Variants in BTBD7 observed in about 807,000 individuals in gnomAD.
BTBD7 encodes the protein BTB domain containing 7, also known as BTB/POZ domain-containing protein 7.
A neutral mutation model predicts 99.9 loss-of-function variants in BTBD7; 38 were observed. The observed-to-expected ratio is 0.38, with a 90% CI of 0.29 to 0.50. BTBD7 has a LOEUF of 0.50. Among genes scored for constraint, BTBD7 ranks in the 20% least tolerant of loss-of-function variants. The probability of loss-of-function intolerance (pLI) is 0.93; values close to 1 mark genes in which losing one functional copy is unlikely to be tolerated. For synonymous variants in BTBD7, 520 were observed against 511.4 expected (o/e 1.02, Z -0.23); for missense variants, 1,170 against 1,394.6 (o/e 0.84, Z 2.57).
intron 3 of BTBD7, among the ~76,000 whole-genome samples, chr14:93,282,972 A>G (rs1191086710): frequency 6.6e-6 from 1 of 152,260 alleles, no homozygotes; most frequent in Non-Finnish European, 1.5e-5. Context: ...ATAAGTTTAC[A>G]AAGTCTGCTA....
At chr14:93,297,906 A>T (rs886842949) in intron 1 of BTBD7, among the ~76,000 whole-genome samples, 5 of 152,196 alleles carry the variant, frequency 3.3e-5, no homozygotes, top group African/African-American at 4.8e-5. Flanking sequence ...ATGAGGGGGG[A>T]AAAAGACTTT....
In BTBD7 at chr14:93,243,013, T is replaced by C. The variant is rs757226675; in HGVS notation, c.2659A>G (p.Arg887Gly). ...GVSTLSLKDR[R>G]LPELAVDTEL... ...GTGTCTACAGCAAGCTCTGGAAGCC[T>C]CCTGTCCTTGAGTGACAGTGTGGAC... is the stretch of plus-strand genomic sequence containing the variant. Residue 887 changes from arginine to glycine, a missense_variant, in exon 11 of 11, where the codon AGG becomes GGG. By Grantham distance (125) the Arg-to-Gly change is moderately radical. This residue lies in a region of BTBD7 where 495 missense variants were observed against 525.9 expected (regional missense o/e 0.94). Transcript: ENST00000334746. The C allele has an allele frequency of 6.2e-6, 10 of 1,614,122 alleles. No homozygotes were observed. The highest frequency in any genetic ancestry group is 8.5e-6 in the Non-Finnish European group (10 of 1,180,024).
chr14:93,327,695 A>G (rs1421880413), intron 1 of BTBD7, among the ~76,000 whole-genome samples: 1 of 152,176 alleles, frequency 6.6e-6, no homozygotes, highest in Admixed American at 6.5e-5. Context: ...AAGACTCAAA[A>G]CGTTTCCTCT....
intron 3 of BTBD7, among the ~76,000 whole-genome samples, chr14:93,271,995 C>A (rs2052606125): frequency 6.6e-6 from 1 of 150,898 alleles, no homozygotes; most frequent in South Asian, 2.1e-4. Context: ...ACAGATGAGA[C>A]CCTGTCTTAA....
At chr14:93,300,621 C>T (rs911235320) in intron 1 of BTBD7, among the ~76,000 whole-genome samples, 1 of 151,548 alleles carries the variant, frequency 6.6e-6, no homozygotes, top group Non-Finnish European at 1.5e-5. Flanking sequence ...CTGCAACCTC[C>T]ACCTCCCAGG....
intron 1 of BTBD7, among the ~76,000 whole-genome samples, chr14:93,320,444 C>G (rs993287788): frequency 2.0e-5 from 3 of 152,164 alleles, no homozygotes; most frequent in Admixed American, 2.0e-4. Context: ...CCCCAAATGT[C>G]AAGAGTGCCA....
chr14:93,319,258 C>G lies in BTBD7; in HGVS notation c.-107+13562G>C, dbSNP rs567926883. Among the ~76,000 whole-genome samples the G allele has an allele frequency of 3.6e-4, 55 of 152,306 alleles. 1 individual carries two copies. The South Asian group carries it at 0.011, about 31-fold the overall frequency. The stretch of plus-strand genomic sequence containing the variant: ...ACCAAAAAACAACAGACAAAATCTG[C>G]TCTGGTCCTTGCAGGATGTTAAACT... On this transcript the variant is annotated intron_variant, in intron 1 of 10. Transcript: ENST00000334746.
rs192843368 is a variant in BTBD7 at position 93,282,803 on chromosome 14, C to G, written c.1162+11055G>C. 1.9e-3 allele frequency among the ~76,000 whole-genome samples: 294 copies of G among 152,278 alleles called. 1 individual carries two copies. Among genetic ancestry groups the G allele is most frequent in the Admixed American group, 9.7e-3 (149 of 15,292 alleles). ...TATACCAAATCACCTGTATCTTAGA[C>G]TCCATTCATTTTGTATTCCTTGGTG... is the stretch of plus-strand genomic sequence containing the variant. On this transcript the variant is annotated intron_variant, in intron 3 of 10. Transcript: ENST00000334746.
At chr14:93,295,088 AATTAACTC>A in intron 2 of BTBD7, 151 bp from the exon 3 acceptor site, 1 of 753,592 alleles carries the variant, frequency 1.3e-6, no homozygotes, top group Non-Finnish European at 2.0e-6. Context: ...CAAAAAGTTC[AATTAACTC>A]ATTTTAGTTT....
chr14:93,325,639 A>G (rs1001468843), intron 1 of BTBD7, among the ~76,000 whole-genome samples: 1 of 152,198 alleles, frequency 6.6e-6, no homozygotes, highest in Non-Finnish European at 1.5e-5. Flanking sequence ...ATTTTAACAG[A>G]TGAGAAAATT....
chr14:93,304,595 G>A (rs1312401667), intron 1 of BTBD7, among the ~76,000 whole-genome samples: 1 of 152,168 alleles, frequency 6.6e-6, no homozygotes, highest in Non-Finnish European at 1.5e-5. Flanking sequence ...CAGGTGATCT[G>A]CCGGCCTCGT....
At chr14:93,246,521 G>A (rs2052313845) in intron 9 of BTBD7, among the ~76,000 whole-genome samples, 1 of 152,220 alleles carries the variant, frequency 6.6e-6, no homozygotes. Flanking sequence ...TTGATCGAAT[G>A]CTCCTCAAGC....
chr14:93,255,939 T>A (rs1268254551), intron 6 of BTBD7: 1 of 151,830 alleles, frequency 6.6e-6, no homozygotes, highest in African/African-American at 2.4e-5. Flanking sequence ...TGAGGGTGAA[T>A]TTTTTTTTCT....
At chr14:93,278,833 G>C (rs1210520156) in intron 3 of BTBD7, among the ~76,000 whole-genome samples, 1 of 152,096 alleles carries the variant, frequency 6.6e-6, no homozygotes, top group Non-Finnish European at 1.5e-5. Context: ...AGTGGCTCAG[G>C]CATGTAATCC....
intron 8 of BTBD7, among the ~76,000 whole-genome samples, 161 bp from the exon 9 acceptor site, chr14:93,248,815 T>C (rs2052341563): frequency 6.6e-6 from 1 of 152,224 alleles, no homozygotes; most frequent in Non-Finnish European, 1.5e-5. Context: ...ATATCTCTAA[T>C]TATTTTTCAA....
chr14:93,270,365 G>C (rs2052588494), intron 3 of BTBD7, among the ~76,000 whole-genome samples: 1 of 152,212 alleles, frequency 6.6e-6, no homozygotes, highest in South Asian at 2.1e-4. Flanking sequence ...CAAAGTGCTG[G>C]GATTACAGGC....
At chr14:93,304,921 T>C (rs1335465220) in intron 1 of BTBD7, among the ~76,000 whole-genome samples, 1 of 152,196 alleles carries the variant, frequency 6.6e-6, no homozygotes, top group Non-Finnish European at 1.5e-5. Context: ...AGACTATGGC[T>C]GCACAGACAG....
rs148248727 is a variant in BTBD7, at chr14:93,248,591, T to C, written c.2006A>G (p.Gln669Arg). 1.3e-5 allele frequency: 21 copies of C among 1,613,922 alleles called. No individual in the cohort carries two copies. The highest frequency in any genetic ancestry group is 8.3e-5 in the Admixed American group (5 of 59,998). The change falls in exon 9 of 11, where the codon CAG (glutamine) becomes CGG (arginine). Residue 669 changes from glutamine to arginine, a missense_variant. Physicochemically the swap from Gln to Arg is conservative, Grantham distance 43 (BLOSUM62 1). This residue lies in a region of BTBD7 where 309 missense variants were observed against 342.0 expected (regional missense o/e 0.90). Transcript: ENST00000334746. ...GTTCAGGGCATAGGCCCTCTGCACC[T>C]GCTCCGTGTGCCGCAGTTCCTGCAG... ...RRLQELRHTE[Q>R]VQRAYALNCG...
chr14:93,253,062 T>C (rs1401416559), intron 7 of BTBD7, among the ~76,000 whole-genome samples: 3 of 152,204 alleles, frequency 2.0e-5, no homozygotes, highest in African/African-American at 7.2e-5. Context: ...AAAGTTCTTA[T>C]GGCTGAACAT....
Sources: allele counts gnomAD v4.1 joint callset (sites outside exome capture counted in the v4.1 genomes callset), GRCh38; gene constraint gnomAD v4.1.1; regional missense constraint gnomAD v4.1.1; transcripts MANE v1.5; gene names NCBI Gene and HGNC (gene_info 2026-07-23, HGNC 2026-07-21).